PDCL2: variants seen among roughly 807,000 people sequenced by gnomAD.
PDCL2 encodes the protein phosducin-like protein 2.
A neutral mutation model predicts 30.3 loss-of-function variants in PDCL2; 23 were observed. The observed-to-expected ratio is 0.76, with a 90% CI of 0.55 to 1.08. The LOEUF is 1.08. Among genes scored for constraint, PDCL2 ranks in the 50% least tolerant of loss-of-function variants. The pLI, the probability that PDCL2 is intolerant of heterozygous loss-of-function variation, is 0.00. For missense variants in PDCL2, 243 were observed against 282.3 expected, an observed-to-expected ratio of 0.86 and a Z score of 1.00; for synonymous variants, 68 against 86.2, an observed-to-expected ratio of 0.79 and a Z score of 1.17.
rs565139291 is a variant in PDCL2 at position 55,576,438 on chromosome 4, G to A, written c.218+4383C>T. 7.9e-5 allele frequency among the ~76,000 whole-genome samples: 12 copies of A among 152,160 alleles called. No homozygotes were observed. The East Asian group carries it at 1.4e-3, about 17-fold the overall frequency. On this transcript the variant is annotated intron_variant, in intron 3 of 5. Transcript: ENST00000295645. Reference sequence around the variant, plus strand: ...TCTTTTTTTCCTGTATGATATAAAAGGTAAATACATAAAGCAATAATAATA... The same window carrying A: ...TCTTTTTTTCCTGTATGATATAAAAAGTAAATACATAAAGCAATAATAATA...
At chr4:55,576,903 CT>C (rs34136307) in intron 3 of PDCL2, among the ~76,000 whole-genome samples, 85 of 147,150 alleles carry the variant, frequency 5.8e-4, no homozygotes, top group Non-Finnish European at 4.7e-4. Flanking sequence ...TTTCTCAGTC[CT>C]TTTTTTTTTT....
chr4:55,585,934 A>C (rs1465309524), intron 1 of PDCL2, among the ~76,000 whole-genome samples: 2 of 152,082 alleles, frequency 1.3e-5, no homozygotes, highest in African/African-American at 4.8e-5. Flanking sequence ...CTTTATTCTT[A>C]GTATAGCTAA....
At chr4:55,582,895 T>C (rs1732764759) in intron 1 of PDCL2, among the ~76,000 whole-genome samples, 1 of 152,138 alleles carries the variant, frequency 6.6e-6, no homozygotes, top group Non-Finnish European at 1.5e-5. Flanking sequence ...CTGAGAATGA[T>C]GGTTTCCAGC....
intron 1 of PDCL2, among the ~76,000 whole-genome samples, chr4:55,588,857 T>C (rs1383274363): frequency 1.5e-5 from 2 of 132,842 alleles, no homozygotes; most frequent in African/African-American, 5.8e-5. Context: ...TTTCAGTATT[T>C]ATAAGTACTT....
intron 4 of PDCL2, among the ~76,000 whole-genome samples, chr4:55,563,457 G>A (rs765746352): frequency 2.0e-5 from 3 of 152,198 alleles, no homozygotes; most frequent in Non-Finnish European, 4.4e-5. Context: ...AAGATAGACA[G>A]ATCATTTGAG....
chr4:55,580,783 T>C (rs1560504125), intron 3 of PDCL2, 38 bp downstream of exon 3: 13 of 1,434,318 alleles, frequency 9.1e-6, no homozygotes, highest in African/African-American at 2.9e-5. Flanking sequence ...TTATACTTCA[T>C]TCAAAAATTT....
At position 55,569,853 on chromosome 4, in the gene PDCL2, C is replaced by A. The variant is rs150327134; in HGVS notation, c.227G>T (p.Arg76Leu). The A allele has an allele frequency of 6.6e-7, 1 of 1,510,680 alleles. No homozygotes were observed. The highest frequency in any genetic ancestry group is 9.0e-7 in the Non-Finnish European group (1 of 1,115,446). 93.6% of individuals were successfully genotyped at this position (1,510,680 alleles called of 1,614,324 possible). A position where few individuals can be genotyped will look rare whatever the true frequency, so the allele number is the denominator to read the frequency against. Residue 76 changes from arginine (R) to leucine (L), a missense_variant, in exon 4 of 6, where the codon CGG becomes CTG. Transcript: ENST00000295645. The part of the protein sequence containing the change: ...MQAVETYRKK[R>L]LQEWKALKKK... ...CTTAAGAGCTTTCCATTCCTGTAAC[C>A]GCTTCTTTCTAATTAAAACATGAAA...
chr4:55,570,470 G>A (rs1284598727), intron 3 of PDCL2, among the ~76,000 whole-genome samples: 2 of 152,182 alleles, frequency 1.3e-5, no homozygotes, highest in Non-Finnish European at 2.9e-5. Flanking sequence ...ACTACACTGG[G>A]TTTAAATGCC....
intron 1 of PDCL2, among the ~76,000 whole-genome samples, chr4:55,591,231 T>A (rs923368572): frequency 1.3e-5 from 2 of 151,770 alleles, no homozygotes; most frequent in Admixed American, 1.3e-4. Context: ...GTGGTTTTAA[T>A]CTGCAGGAGC....
intron 1 of PDCL2, among the ~76,000 whole-genome samples, chr4:55,586,126 C>T (rs1421723265): frequency 1.3e-5 from 2 of 152,054 alleles, no homozygotes; most frequent in Non-Finnish European, 2.9e-5. Context: ...CTTAAATCTG[C>T]TTCTGCTGCC....
chr4:55,568,085 A>G (rs1732318156), intron 4 of PDCL2, among the ~76,000 whole-genome samples: 1 of 152,214 alleles, frequency 6.6e-6, no homozygotes, highest in African/African-American at 2.4e-5. Context: ...AGGGTTATAT[A>G]CAGGGCTATA....
chr4:55,562,650 G>A, intron 4 of PDCL2, 38 bp from the exon 5 acceptor site: 1 of 1,401,018 alleles, frequency 7.1e-7, no homozygotes, highest in Non-Finnish European at 9.7e-7. Flanking sequence ...TTTAATAAAT[G>A]GGCTACTCAT....
intron 1 of PDCL2, 22 bp from the exon 2 acceptor site, chr4:55,582,259 G>GAA (rs777750244): frequency 5.1e-6 from 8 of 1,572,828 alleles, no homozygotes; most frequent in Non-Finnish European, 6.9e-6. Context: ...GAAAAGAAAA[G>GAA]AAAATTAACA....
At chr4:55,570,740 T>C (rs1195896560) in intron 3 of PDCL2, among the ~76,000 whole-genome samples, 1 of 152,220 alleles carries the variant, frequency 6.6e-6, no homozygotes, top group Non-Finnish European at 1.5e-5. Flanking sequence ...ATTTACATAA[T>C]TTGACAATTT....
chr4:55,564,398 C>T (rs1732209919), intron 4 of PDCL2, among the ~76,000 whole-genome samples: 1 of 152,110 alleles, frequency 6.6e-6, no homozygotes, highest in African/African-American at 2.4e-5. Flanking sequence ...GGTGTTGGGG[C>T]TCAGGGCCAG....
At chr4:55,557,440 G>T (rs564102280) in intron 5 of PDCL2, among the ~76,000 whole-genome samples, 1 of 152,092 alleles carries the variant, frequency 6.6e-6, no homozygotes, top group East Asian at 1.9e-4. Context: ...AGCAAGACAG[G>T]GCTGAACTCA....
At chr4:55,575,702 C>T (rs779915340) in intron 3 of PDCL2, among the ~76,000 whole-genome samples, 3 of 152,130 alleles carry the variant, frequency 2.0e-5, no homozygotes, top group Non-Finnish European at 4.4e-5. Flanking sequence ...TACAAGGGAT[C>T]TTCAATAAGA....
chr4:55,576,509 A>G (rs1732571230), intron 3 of PDCL2, among the ~76,000 whole-genome samples: 1 of 152,218 alleles, frequency 6.6e-6, no homozygotes, highest in African/African-American at 2.4e-5. Flanking sequence ...AGTCTGTGAC[A>G]CTAACAAATA....
At chr4:55,556,995 A>G (rs941998613) in intron 5 of PDCL2, among the ~76,000 whole-genome samples, 2 of 151,984 alleles carry the variant, frequency 1.3e-5, no homozygotes, top group Non-Finnish European at 2.9e-5. Context: ...CACCACACCC[A>G]GCTAAGTTTT....
Sources: allele counts gnomAD v4.1 joint callset (sites outside exome capture counted in the v4.1 genomes callset), GRCh38; gene constraint gnomAD v4.1.1; transcripts MANE v1.5; gene names NCBI Gene and HGNC (gene_info 2026-07-23, HGNC 2026-07-21).